Variants in EXOC6B observed in about 807,000 individuals in gnomAD.
The protein encoded by EXOC6B is SEC15 homolog B.
Under a neutral mutation model 113.5 loss-of-function variants are expected in EXOC6B, and 54 were observed. The observed-to-expected ratio is 0.48, with a 90% confidence interval of 0.38 to 0.60. The LOEUF (loss-of-function observed/expected upper bound fraction) is 0.60. EXOC6B is among the 20% of genes least tolerant of loss of function. The pLI, the probability that EXOC6B is intolerant of heterozygous loss-of-function variation, is 0.00. For missense variants in EXOC6B, 797 were observed against 977.5 expected, an observed-to-expected ratio of 0.82 and a Z score of 2.46; for synonymous variants, 357 against 339.0, an observed-to-expected ratio of 1.05 and a Z score of -0.58.
At chr2:72,798,892 T>C (rs1168904903) in intron 1 of EXOC6B, among the ~76,000 whole-genome samples, 2 of 152,104 alleles carry the variant, frequency 1.3e-5, no homozygotes, top group East Asian at 3.9e-4. Context: ...ATAATAACAA[T>C]AATGAATTTA....
At chr2:72,745,930 T>C (rs1681667599) in intron 1 of EXOC6B, among the ~76,000 whole-genome samples, 1 of 152,172 alleles carries the variant, frequency 6.6e-6, no homozygotes, top group Non-Finnish European at 1.5e-5. Context: ...GTGGCATTTT[T>C]TTCTTTTAAT....
chr2:72,297,765 G>C (rs1686230424), intron 20 of EXOC6B, among the ~76,000 whole-genome samples: 1 of 152,140 alleles, frequency 6.6e-6, no homozygotes, highest in Non-Finnish European at 1.5e-5. Flanking sequence ...TAGTCATTCA[G>C]GAGCAGGTTG....
chr2:72,429,455 A>C (rs1695394850), intron 18 of EXOC6B, among the ~76,000 whole-genome samples: 1 of 152,206 alleles, frequency 6.6e-6, no homozygotes, highest in Non-Finnish European at 1.5e-5. Flanking sequence ...CATACATCAG[A>C]TCTTAGATAA....
intron 1 of EXOC6B, among the ~76,000 whole-genome samples, chr2:72,785,324 G>A (rs1478647994): frequency 6.6e-6 from 1 of 152,212 alleles, no homozygotes; most frequent in African/African-American, 2.4e-5. Context: ...CTGGGGTCTG[G>A]AGGACAGTGG....
chr2:72,178,939 C>G lies in EXOC6B; in HGVS notation c.*396G>C, dbSNP rs1269623492. Reference sequence around the variant, plus strand: ...TGGTGAATGGGCATCCAAGAGTGAACAGGACATATTTTAGTATCCTTTTGC... The same window carrying G: ...TGGTGAATGGGCATCCAAGAGTGAAGAGGACATATTTTAGTATCCTTTTGC... On this transcript the variant is annotated 3_prime_UTR_variant, in exon 22 of 22. Transcript: ENST00000272427. 5.9e-6 allele frequency: 1 copy of G among 168,522 alleles called. No individual in the cohort carries two copies. The highest frequency in any genetic ancestry group is 2.4e-5 in the African/African-American group (1 of 41,790). 10.4% of individuals were successfully genotyped at this position (168,522 alleles called of 1,614,324 possible). A position where few individuals can be genotyped will look rare whatever the true frequency, so the allele number is the denominator to read the frequency against.
At chr2:72,607,631 C>T (rs942274466) in intron 6 of EXOC6B, among the ~76,000 whole-genome samples, 1 of 152,090 alleles carries the variant, frequency 6.6e-6, no homozygotes, top group Non-Finnish European at 1.5e-5. Context: ...CAGTCATTCA[C>T]TGATCTATAC....
intron 16 of EXOC6B, among the ~76,000 whole-genome samples, chr2:72,481,956 G>A (rs1228096706): frequency 6.6e-6 from 1 of 152,122 alleles, no homozygotes; most frequent in African/African-American, 2.4e-5. Context: ...CCAAAAACTT[G>A]GAAAAGTAGT....
chr2:72,332,471 T>C (rs1050232516), intron 20 of EXOC6B, among the ~76,000 whole-genome samples: 30 of 152,154 alleles, frequency 2.0e-4, no homozygotes, highest in African/African-American at 7.0e-4. Flanking sequence ...CAATAAATGA[T>C]GAGTAGGAAG....
chr2:72,735,319 T>C (rs929700394), intron 2 of EXOC6B, among the ~76,000 whole-genome samples: 1 of 152,266 alleles, frequency 6.6e-6, no homozygotes, highest in African/African-American at 2.4e-5. Flanking sequence ...TACACAAGTA[T>C]AGGGAACACA....
intron 18 of EXOC6B, among the ~76,000 whole-genome samples, chr2:72,407,217 T>A (rs963583950): frequency 6.6e-6 from 1 of 152,092 alleles, no homozygotes; most frequent in African/African-American, 2.4e-5. Flanking sequence ...ATTGAGGCAA[T>A]AATTAATAGC....
intron 6 of EXOC6B, among the ~76,000 whole-genome samples, chr2:72,681,211 A>G (rs1676675663): frequency 6.6e-6 from 1 of 152,206 alleles, no homozygotes; most frequent in South Asian, 2.1e-4. Flanking sequence ...ACCTCAGAGA[A>G]TTACTTGTCC....
chr2:72,561,472 A>C (rs1703881007), intron 7 of EXOC6B, among the ~76,000 whole-genome samples: 1 of 152,102 alleles, frequency 6.6e-6, no homozygotes, highest in Non-Finnish European at 1.5e-5. Flanking sequence ...GTTCTTCTTC[A>C]TGTAGCTTAT....
At position 72,464,999 on chromosome 2, in the gene EXOC6B, G is replaced by A. The variant is rs749908174; in HGVS notation, c.1980+161C>T. On this transcript the variant is annotated intron_variant, in intron 18 of 21. Coordinates refer to ENST00000272427, the MANE Select transcript of EXOC6B (RefSeq NM_015189.3). ...AAAGGTCAATGAAAAAATGATGGAA[G>A]TAGCCTCTACATATCATTAAAGGTT... The A allele has an allele frequency of 7.8e-4, 480 of 618,422 alleles. 2 individuals are homozygous for A. Among genetic ancestry groups the A allele is most frequent in the Middle Eastern group, 2.5e-3 (6 of 2,370 alleles). The allele number at this position is 618,422 out of a possible 1,614,324, so 38.3% of individuals were successfully genotyped here.
chr2:72,641,264 G>A (rs1368880422), intron 6 of EXOC6B, among the ~76,000 whole-genome samples: 9 of 152,336 alleles, frequency 5.9e-5, no homozygotes, highest in South Asian at 4.1e-4. Context: ...GCGGGGCATC[G>A]CCTCACCTGG....
At chr2:72,221,861 T>C (rs766341247) in intron 20 of EXOC6B, among the ~76,000 whole-genome samples, 1 of 152,228 alleles carries the variant, frequency 6.6e-6, no homozygotes, top group Non-Finnish European at 1.5e-5. Context: ...TGATTGACGT[T>C]ATATCTGAAA....
At chr2:72,291,233 T>C (rs1294467525) in intron 20 of EXOC6B, among the ~76,000 whole-genome samples, 1 of 152,206 alleles carries the variant, frequency 6.6e-6, no homozygotes, top group Non-Finnish European at 1.5e-5. Flanking sequence ...TGATCCAGTG[T>C]TCTCTGCAGC....
chr2:72,476,984 T>A (rs935237648), intron 17 of EXOC6B, among the ~76,000 whole-genome samples: 2 of 152,204 alleles, frequency 1.3e-5, no homozygotes, highest in African/African-American at 2.4e-5. Flanking sequence ...AAGTCTTCTT[T>A]GGCGGTCCTA....
intron 8 of EXOC6B, among the ~76,000 whole-genome samples, chr2:72,543,052 C>T (rs1376614530): frequency 6.6e-6 from 1 of 151,894 alleles, no homozygotes; most frequent in Non-Finnish European, 1.5e-5. Flanking sequence ...GGAAGAGTCA[C>T]CAAAAGGAAG....
At chr2:72,238,292 T>C (rs1682088310) in intron 20 of EXOC6B, among the ~76,000 whole-genome samples, 4 of 152,248 alleles carry the variant, frequency 2.6e-5, no homozygotes, top group Admixed American at 1.3e-4. Context: ...AATATTTTGT[T>C]TTTCCATTAA....
Sources: allele counts gnomAD v4.1 joint callset (sites outside exome capture counted in the v4.1 genomes callset), GRCh38; gene constraint gnomAD v4.1.1; transcripts MANE v1.5; gene names NCBI Gene and HGNC (gene_info 2026-07-23, HGNC 2026-07-21).